CAST: variants seen among roughly 807,000 people sequenced by gnomAD.
CAST encodes MIR583 host.
In CAST, 76 loss-of-function variants were observed where a neutral mutation model predicts 119.6. The ratio of observed to expected loss-of-function variants is 0.64; its 90% CI spans 0.53 to 0.77. CAST has a LOEUF of 0.77. Ranked by LOEUF, CAST falls within the 30% of genes least tolerant of loss-of-function variation. The pLI is 0.00. For synonymous variants in CAST, 319 were observed against 331.6 expected, an observed-to-expected ratio of 0.96 and a Z score of 0.41; for missense variants, 953 against 946.5, an observed-to-expected ratio of 1.01 and a Z score of -0.09.
chr5:96,008,512 GT>G, the CAST span, among the ~76,000 whole-genome samples: 2 of 151,676 alleles, frequency 1.3e-5, no homozygotes, highest in African/African-American at 4.8e-5. Context: ...ACAATGCTCT[GT>G]TTTTTTTAGG....
chr5:96,467,914 A>G, the CAST span, among the ~76,000 whole-genome samples: 9,310 of 152,092 alleles, frequency 0.061, 816 homozygotes, highest in East Asian at 0.41. Context: ...AAGTCATTCT[A>G]TTAAAAAGGC....
chr5:96,283,231 A>G, the CAST span, among the ~76,000 whole-genome samples: 1 of 152,172 alleles, frequency 6.6e-6, no homozygotes, highest in South Asian at 2.1e-4. Context: ...TTATTTATAT[A>G]ACATAGATTT....
intron 3 of CAST, among the ~76,000 whole-genome samples, chr5:96,715,806 C>T (rs942173359): frequency 6.6e-6 from 1 of 152,152 alleles, no homozygotes; most frequent in Admixed American, 6.5e-5. Context: ...AAGATCTTAT[C>T]ACAGTCAAAC....
chr5:96,209,229 T>C, the CAST span, among the ~76,000 whole-genome samples: 1 of 151,944 alleles, frequency 6.6e-6, no homozygotes, highest in African/African-American at 2.4e-5. Context: ...ATGAGATGGG[T>C]CTCTTGAAGA....
At chr5:96,697,379 T>C (rs1561483767) in intron 3 of CAST, among the ~76,000 whole-genome samples, 1 of 152,154 alleles carries the variant, frequency 6.6e-6, no homozygotes, top group Non-Finnish European at 1.5e-5. Context: ...GTTAGTATTT[T>C]CGTGTCACTC....
intron 1 of CAST, among the ~76,000 whole-genome samples, chr5:96,616,089 G>A (rs1747450956): frequency 6.7e-6 from 1 of 149,822 alleles, no homozygotes; most frequent in Non-Finnish European, 1.5e-5. Context: ...TGGTGTTCGT[G>A]TTCACCCAGA....
chr5:96,074,381 TAA>T, the CAST span, among the ~76,000 whole-genome samples: 1 of 152,204 alleles, frequency 6.6e-6, no homozygotes. Flanking sequence ...TGGACCTTCA[TAA>T]TGGAATTAGT....
At chr5:96,469,356 G>C in the CAST span, among the ~76,000 whole-genome samples, 1 of 151,974 alleles carries the variant, frequency 6.6e-6, no homozygotes, top group Admixed American at 6.6e-5. Context: ...ATTATGTTTT[G>C]TTCAGTGGGA....
intron 9 of CAST, among the ~76,000 whole-genome samples, chr5:96,731,585 C>G (rs1043716843): frequency 6.7e-6 from 1 of 148,360 alleles, no homozygotes; most frequent in Non-Finnish European, 1.5e-5. Flanking sequence ...ATGTGCCATG[C>G]TGGTGCGCTG....
chr5:96,390,964 TATAC>T, the CAST span: 1 of 152,664 alleles, frequency 6.6e-6, no homozygotes, highest in African/African-American at 2.4e-5. Flanking sequence ...AAGAAAGATT[TATAC>T]ATCTAGCACT....
chr5:96,540,610 T>G (rs563506583), intron 1 of CAST, among the ~76,000 whole-genome samples: 2 of 152,328 alleles, frequency 1.3e-5, no homozygotes, highest in South Asian at 4.1e-4. Flanking sequence ...TTAATTAAAA[T>G]TCATAGTTTA....
chr5:96,122,540 G>A, the CAST span, among the ~76,000 whole-genome samples: 1 of 152,094 alleles, frequency 6.6e-6, no homozygotes, highest in Non-Finnish European at 1.5e-5. Flanking sequence ...TTCCAGTTAA[G>A]GTAAAGTCGA....
chr5:96,661,724 A>G (rs1257865121), upstream of CAST, among the ~76,000 whole-genome samples: 1 of 152,256 alleles, frequency 6.6e-6, no homozygotes, highest in Non-Finnish European at 1.5e-5. Context: ...TAGAAAGACT[A>G]TAAGGGTTTA....
the CAST span, among the ~76,000 whole-genome samples, chr5:96,437,685 C>T: frequency 2.0e-5 from 3 of 152,138 alleles, no homozygotes; most frequent in Non-Finnish European, 2.9e-5. Context: ...AGACCCTCAG[C>T]CCCCACCCCA....
At chr5:96,145,557 G>A in the CAST span, among the ~76,000 whole-genome samples, 1 of 152,092 alleles carries the variant, frequency 6.6e-6, no homozygotes, top group Non-Finnish European at 1.5e-5. Context: ...AGCCAAAGGA[G>A]AGGGAAATAT....
the CAST span, among the ~76,000 whole-genome samples, chr5:96,012,371 T>G: frequency 6.6e-6 from 1 of 152,148 alleles, no homozygotes; most frequent in Non-Finnish European, 1.5e-5. Context: ...GCTTTAGGGG[T>G]TACAGCTCTT....
At chr5:96,519,632 T>A in the CAST span, among the ~76,000 whole-genome samples, 295 of 152,048 alleles carry the variant, frequency 1.9e-3, 1 homozygote, top group Non-Finnish European at 2.5e-3. Context: ...TTCAAGATGG[T>A]GTCTCACTCT....
the CAST span, among the ~76,000 whole-genome samples, chr5:96,457,074 C>T: frequency 1.5e-4 from 23 of 152,260 alleles, no homozygotes; most frequent in Admixed American, 1.2e-3. Flanking sequence ...TTATTAGCAG[C>T]GTGAGAACAG....
chr5:96,527,187 G>C (rs1386347229), upstream of CAST, among the ~76,000 whole-genome samples: 1 of 152,188 alleles, frequency 6.6e-6, no homozygotes, highest in Non-Finnish European at 1.5e-5. Flanking sequence ...TTCTGTATCT[G>C]TGAAGATAAG....
Sources: allele counts gnomAD v4.1 joint callset (sites outside exome capture counted in the v4.1 genomes callset), GRCh38; gene constraint gnomAD v4.1.1; transcripts MANE v1.5; gene names NCBI Gene and HGNC (gene_info 2026-07-23, HGNC 2026-07-21).